The following LCOR variants were observed in gnomAD, a reference collection of about 807,000 sequenced individuals.
LCOR encodes ligand-dependent corepressor.
LCOR carries 14 observed loss-of-function variants against 64.4 expected under a neutral mutation model. The ratio of observed to expected loss-of-function variants is 0.22; its 90% CI spans 0.14 to 0.34. The LOEUF (loss-of-function observed/expected upper bound fraction) is 0.34. Among genes scored for constraint, LCOR ranks in the 10% least tolerant of loss-of-function variants. The probability of loss-of-function intolerance (pLI) is 1.00; values close to 1 mark genes in which losing one functional copy is unlikely to be tolerated. For synonymous variants in LCOR, 643 were observed against 642.5 expected (o/e 1.00, Z -0.01); for missense variants, 1,686 against 1,765.3 (o/e 0.96, Z 0.80).
chr10:96,918,784 C>T (rs1170963299), intron 4 of LCOR, among the ~76,000 whole-genome samples: 1 of 152,138 alleles, frequency 6.6e-6, no homozygotes, highest in African/African-American at 2.4e-5. Flanking sequence ...AGAACCGTGG[C>T]CAACTGACTT....
At chr10:96,908,454 T>A (rs1336973924) in intron 4 of LCOR, among the ~76,000 whole-genome samples, 1 of 151,752 alleles carries the variant, frequency 6.6e-6, no homozygotes, top group Non-Finnish European at 1.5e-5. Context: ...TACTAATTCA[T>A]GTAGATGATG....
chr10:96,955,930 G>C (rs745474661), intron 7 of LCOR: 1 of 1,607,772 alleles, frequency 6.2e-7, no homozygotes, highest in South Asian at 1.1e-5. Flanking sequence ...TAGGAATACT[G>C]TAGAGTGCCA....
rs1339541599 is a variant in LCOR, at chr10:96,982,889, C to T, written c.2429C>T (p.Pro810Leu). ...AAGAAGAAAAAAGGTAAAAAATTCC[C>T]TGAGGCCTCTGATAGGTGCCTAAGA... ...LDKKKKGKKF[P>L]EASDRCLRSQ... is the part of the protein sequence containing the mutation. The change falls in exon 8 of 8, where the codon CCT (proline) becomes CTT (leucine). Residue 810 changes from proline to leucine, a missense_variant. Coordinates refer to ENST00000421806, the MANE Select transcript of LCOR (RefSeq NM_001346516.2). The T allele has an allele frequency of 3.1e-6, 5 of 1,613,944 alleles. No individual in the cohort carries two copies. Among genetic ancestry groups the T allele is most frequent in the Admixed American group, 1.7e-5 (1 of 59,986 alleles).
intron 4 of LCOR, among the ~76,000 whole-genome samples, chr10:96,916,597 ATATATATATC>A (rs975782535): frequency 1.7e-4 from 25 of 149,102 alleles, no homozygotes; most frequent in East Asian, 1.4e-3. Flanking sequence ...CTATATATAT[ATATATATATC>A]TATATATATG....
chr10:96,898,196 T>A (rs1846574713), intron 2 of LCOR, among the ~76,000 whole-genome samples: 1 of 152,154 alleles, frequency 6.6e-6, no homozygotes, highest in Non-Finnish European at 1.5e-5. Flanking sequence ...ATGAGGATGT[T>A]CCTAACTTTG....
chr10:96,863,614 G>T (rs141334381), intron 2 of LCOR, among the ~76,000 whole-genome samples: 1 of 152,174 alleles, frequency 6.6e-6, no homozygotes, highest in Admixed American at 6.5e-5. Context: ...GTGTGGATTG[G>T]GATAGCATGA....
At position 96,987,051 on chromosome 10, in the gene LCOR, T is replaced by C. The variant is rs1848154863; in HGVS notation, c.*1917T>C. The C allele has an allele frequency of 6.6e-6, 1 of 152,192 alleles. No individual in the cohort carries two copies. Among genetic ancestry groups the C allele is most frequent in the Non-Finnish European group, 1.5e-5 (1 of 68,026 alleles). 9.4% of individuals were successfully genotyped at this position (152,192 alleles called of 1,614,324 possible). ...TATGAAGCCCTGATTTTTTTTCATG[T>C]CTTCTCTATCTGATGAGTCTTTTTC... On this transcript the variant is annotated 3_prime_UTR_variant, in exon 8 of 8. Coordinates refer to ENST00000421806, the MANE Select transcript of LCOR (RefSeq NM_001346516.2).
chr10:96,844,488 A>C (rs1000751030), intron 2 of LCOR, among the ~76,000 whole-genome samples: 2 of 151,712 alleles, frequency 1.3e-5, no homozygotes, highest in African/African-American at 4.8e-5. Flanking sequence ...TGGTTTCTCT[A>C]CCCATAATCT....
Position 96,856,079 on chromosome 10 carries a change from GT to G in LCOR, c.-330+22609del, listed in dbSNP as rs112641537. 2.0e-5 allele frequency among the ~76,000 whole-genome samples: 3 copies of G among 150,360 alleles called. 1 individual carries two copies. In the South Asian group the frequency reaches 6.3e-4, roughly 32 times the overall value. On this transcript the variant is annotated intron_variant, in intron 2 of 7. Coordinates refer to ENST00000421806, the MANE Select transcript of LCOR (RefSeq NM_001346516.2). ...GTTTTTATTTTATTTTATTTATTTA[GT>G]TTTTTTTTGAGACGGAGTCTCGCTC...
intron 7 of LCOR, among the ~76,000 whole-genome samples, chr10:96,970,099 C>T (rs1445881840): frequency 6.6e-6 from 1 of 150,610 alleles, no homozygotes; most frequent in Non-Finnish European, 1.5e-5. Context: ...CCTTTAACAA[C>T]TATTAAATTG....
intron 4 of LCOR, among the ~76,000 whole-genome samples, chr10:96,927,296 T>C (rs1189887224): frequency 6.6e-6 from 1 of 152,124 alleles, no homozygotes; most frequent in African/African-American, 2.4e-5. Flanking sequence ...ATCTATATAT[T>C]TTATGTGATG....
rs998237890 is a variant in LCOR at position 96,986,132 on chromosome 10, G to C, written c.*998G>C. 6.0e-6 allele frequency: 1 copy of C among 167,070 alleles called. No individual in the cohort carries two copies. Among genetic ancestry groups the C allele is most frequent in the Non-Finnish European group, 1.5e-5 (1 of 68,108 alleles). The allele number at this position is 167,070 out of a possible 1,614,324, so 10.3% of individuals were successfully genotyped here. On this transcript the variant is annotated 3_prime_UTR_variant, in exon 8 of 8. Transcript: ENST00000421806. ...AGAATATGTATGTCCATGTGTGTTTGGGTGCATTTGCATGTGGTTATCAGC... is the reference window on the plus strand; with the variant it reads ...AGAATATGTATGTCCATGTGTGTTTCGGTGCATTTGCATGTGGTTATCAGC...
intron 2 of LCOR, among the ~76,000 whole-genome samples, chr10:96,864,641 A>G (rs1002915993): frequency 6.6e-6 from 1 of 152,232 alleles, no homozygotes; most frequent in East Asian, 1.9e-4. Flanking sequence ...CCTCATAACA[A>G]TGTTTCAGTC....
intron 7 of LCOR, among the ~76,000 whole-genome samples, chr10:96,972,739 A>C (rs1414668736): frequency 6.6e-6 from 1 of 152,226 alleles, no homozygotes; most frequent in Non-Finnish European, 1.5e-5. Flanking sequence ...TTAAGCCTTA[A>C]GATGCAGAAA....
chr10:96,857,921 A>C (rs991464344), intron 2 of LCOR, among the ~76,000 whole-genome samples: 5 of 152,156 alleles, frequency 3.3e-5, no homozygotes, highest in African/African-American at 1.2e-4. Context: ...CTAACCCCTG[A>C]AGTCTTCTTA....
chr10:96,878,357 G>T (rs558696885), intron 2 of LCOR, among the ~76,000 whole-genome samples: 2 of 152,324 alleles, frequency 1.3e-5, no homozygotes, highest in Non-Finnish European at 2.9e-5. Flanking sequence ...GATGAAGGTT[G>T]CTCGTACCAG....
At chr10:96,886,681 C>T (rs1265402505) in intron 2 of LCOR, among the ~76,000 whole-genome samples, 1 of 152,120 alleles carries the variant, frequency 6.6e-6, no homozygotes, top group Non-Finnish European at 1.5e-5. Flanking sequence ...TATACTTACT[C>T]AACCTTAAGA....
intron 2 of LCOR, among the ~76,000 whole-genome samples, chr10:96,872,535 A>G (rs144017125): frequency 5.5e-4 from 83 of 152,282 alleles, no homozygotes; most frequent in East Asian, 1.9e-3. Flanking sequence ...TCTACAAAAA[A>G]TCAGCTGGGC....
chr10:96,908,426 A>G (rs1846767764), intron 4 of LCOR, among the ~76,000 whole-genome samples: 1 of 152,266 alleles, frequency 6.6e-6, no homozygotes, highest in Non-Finnish European at 1.5e-5. Context: ...ACAGTAATGT[A>G]GATCTGGATC....
Sources: gnomAD v4.1 joint callset for allele counts (sites outside exome capture counted in the v4.1 genomes callset) on GRCh38, gnomAD v4.1.1 for gene constraint, MANE v1.5 for transcripts, NCBI Gene and HGNC (gene_info 2026-07-23, HGNC 2026-07-21) for gene names.